The following PBLD variants were observed in gnomAD, a reference collection of about 807,000 sequenced individuals.
PBLD encodes the protein phenazine biosynthesis-like domain-containing protein.
Under a neutral mutation model 31.3 loss-of-function variants are expected in PBLD, and 26 were observed. The observed-to-expected ratio is 0.83, with a 90% CI of 0.61 to 1.15. PBLD has a LOEUF of 1.15. PBLD is among the 50% of genes most tolerant of loss of function. PBLD has a pLI of 0.00. For synonymous variants in PBLD, 114 were observed against 129.0 expected (o/e 0.88, Z 0.79); for missense variants, 307 against 351.7 (o/e 0.87, Z 1.02).
At position 68,312,196 on chromosome 10, in the gene PBLD, C is replaced by G. The variant is rs187730075; in HGVS notation, c.-59-5293G>C. ...TTTCTTCAACGTACTGTGTTTTACA[C>G]CCAGTAGTGGAATTGCTGAATTACA... On this transcript the variant is annotated intron_variant, in intron 1 of 9. Coordinates refer to ENST00000358769, the MANE Select transcript of PBLD (RefSeq NM_022129.4). Among the ~76,000 whole-genome samples the G allele has an allele frequency of 1.5e-3, 234 of 152,308 alleles. 3 individuals are homozygous for G. The highest frequency in any genetic ancestry group is 0.013 in the Admixed American group (200 of 15,294).
intron 1 of PBLD, among the ~76,000 whole-genome samples, chr10:68,328,871 TTTTGTTTG>T (rs151336211): frequency 1.3e-5 from 2 of 151,808 alleles, no homozygotes; most frequent in East Asian, 1.9e-4. Flanking sequence ...TATGTAGCGG[TTTTGTTTG>T]TTTGTTTGTT....
chr10:68,306,716 G>A, intron 2 of PBLD, 45 bp downstream of exon 2: 1 of 1,525,122 alleles, frequency 6.6e-7, no homozygotes, highest in Non-Finnish European at 9.1e-7. Context: ...TGTTTCTACA[G>A]GAATCTAGAA....
intron 1 of PBLD, among the ~76,000 whole-genome samples, chr10:68,320,356 G>C (rs552760066): frequency 5.9e-5 from 9 of 152,110 alleles, no homozygotes; most frequent in Non-Finnish European, 1.3e-4. Flanking sequence ...CCTAACAACA[G>C]AGCCCCAAAA....
At chr10:68,298,334 G>C (rs967450502) in intron 2 of PBLD, among the ~76,000 whole-genome samples, 1 of 152,132 alleles carries the variant, frequency 6.6e-6, no homozygotes, top group Admixed American at 6.6e-5. Context: ...CCAGGCACAT[G>C]CCTATAATCC....
chr10:68,284,463 A>G (rs2044263222), intron 9 of PBLD, among the ~76,000 whole-genome samples, 174 bp from the exon 10 acceptor site: 1 of 152,166 alleles, frequency 6.6e-6, no homozygotes, highest in Non-Finnish European at 1.5e-5. Context: ...CAGACTGAGA[A>G]AGCCACAAAC....
In PBLD at chr10:68,284,111, T is replaced by C; in HGVS notation, c.*66A>G. 2 of 1,440,802 alleles carry C rather than the reference T, an allele frequency of 1.4e-6. No individual in the cohort carries two copies. The highest frequency in any genetic ancestry group is 2.3e-5 in the East Asian group (1 of 43,780). 89.3% of individuals were successfully genotyped at this position (1,440,802 alleles called of 1,614,324 possible). ...ACGCACATTTGCTAAAGGCAGCCCC[T>C]TACATTTCTTTTTAAGCAGAAAATA... On this transcript the variant is annotated 3_prime_UTR_variant, in exon 10 of 10. Transcript: ENST00000358769.
intron 1 of PBLD, among the ~76,000 whole-genome samples, chr10:68,310,365 G>GTGTA (rs1554859457): frequency 2.1e-5 from 3 of 140,302 alleles, no homozygotes; most frequent in Admixed American, 1.5e-4. Flanking sequence ...ATGTTTTGAA[G>GTGTA]TATATATATA....
In PBLD at chr10:68,283,638, G is replaced by A; in HGVS notation, c.*539C>T. On this transcript the variant is annotated 3_prime_UTR_variant, in exon 10 of 10. Coordinates refer to ENST00000358769, the MANE Select transcript of PBLD (RefSeq NM_022129.4). Reference sequence around the variant, plus strand: ...GAAGTGACATTATTCTTTGTAGCTGGTTACTTACATTTCAAATACACTCAT... The same window carrying A: ...GAAGTGACATTATTCTTTGTAGCTGATTACTTACATTTCAAATACACTCAT... 6.6e-6 allele frequency: 1 copy of A among 152,552 alleles called. No individual in the cohort carries two copies. 9.4% of individuals were successfully genotyped at this position (152,552 alleles called of 1,614,324 possible).
intron 4 of PBLD, among the ~76,000 whole-genome samples, chr10:68,293,566 T>C (rs1276973964): frequency 1.3e-5 from 2 of 152,232 alleles, no homozygotes; most frequent in Admixed American, 6.5e-5. Context: ...TTAATTTTTC[T>C]CATTACGATT....
At chr10:68,301,034 T>A (rs1163377253) in intron 2 of PBLD, among the ~76,000 whole-genome samples, 2 of 152,102 alleles carry the variant, frequency 1.3e-5, no homozygotes, top group African/African-American at 4.8e-5. Flanking sequence ...GTAGCTGGGA[T>A]TACAAGTGTG....
intron 1 of PBLD, among the ~76,000 whole-genome samples, chr10:68,323,985 A>G (rs2044874802): frequency 2.0e-5 from 3 of 152,204 alleles, no homozygotes; most frequent in African/African-American, 7.2e-5. Flanking sequence ...CGGACAGTAC[A>G]TGGCATCTCA....
chr10:68,288,498 C>T lies in PBLD; in HGVS notation c.676G>A (p.Glu226Lys), dbSNP rs2044315882. ...RYFAPWVGVA[E>K]DPVTGSAHAV... is the part of the protein sequence containing the mutation. Reference sequence around the variant, plus strand: ...TAAAAAGTACCTGTCACTGGGTCTTCAGCCACACCAACCCACGGTGCAAAA... The same window carrying T: ...TAAAAAGTACCTGTCACTGGGTCTTTAGCCACACCAACCCACGGTGCAAAA... The change falls in exon 8 of 10, where the codon GAA (glutamate) becomes AAA (lysine). Residue 226 changes from glutamate (E) to lysine (K), a missense_variant. Transcript: ENST00000358769. 3.7e-6 allele frequency: 6 copies of T among 1,614,006 alleles called. No homozygotes were observed. Among genetic ancestry groups the T allele is most frequent in the South Asian group, 1.1e-5 (1 of 91,052 alleles).
At position 68,293,996 on chromosome 10, in the gene PBLD, AC is replaced by A. The variant is rs555434638; in HGVS notation, c.284-1759del. Among the ~76,000 whole-genome samples, 32 of 152,184 alleles carry A rather than the reference AC, an allele frequency of 2.1e-4. No homozygotes were observed. The South Asian group carries it at 3.9e-3, about 19-fold the overall frequency. On this transcript the variant is annotated intron_variant, in intron 4 of 9. Coordinates refer to ENST00000358769, the MANE Select transcript of PBLD (RefSeq NM_022129.4). ...ATCTCAAAAAAACAAAAACAAAAAA[AC>A]AAAAGACACTCAATTTAATTTCAGT...
chr10:68,321,318 T>A (rs963303406), intron 1 of PBLD, among the ~76,000 whole-genome samples: 6 of 152,104 alleles, frequency 3.9e-5, no homozygotes, highest in African/African-American at 1.4e-4. Flanking sequence ...CAGAAGATCA[T>A]CAAGGAAACA....
chr10:68,299,649 A>T (rs1177097331), intron 2 of PBLD, among the ~76,000 whole-genome samples: 1 of 151,928 alleles, frequency 6.6e-6, no homozygotes, highest in African/African-American at 2.4e-5. Flanking sequence ...TGAGGTCAGG[A>T]GTTCGAGACC....
intron 1 of PBLD, among the ~76,000 whole-genome samples, chr10:68,308,406 G>A (rs1286215707): frequency 6.6e-6 from 1 of 152,170 alleles, no homozygotes; most frequent in Non-Finnish European, 1.5e-5. Flanking sequence ...CTGGGTCAAA[G>A]AGTACAGATG....
rs562607399 is a variant in PBLD at position 68,296,905 on chromosome 10, C to T, written c.165G>A (p.Pro55=). The part of the protein sequence containing the change: ...SETAFIRKLH[P]TDNFAQSSCF... ...ATTTACTTTGTGCAAAGTTGTCTGT[C>T]GGGTGCAGTTTTCGGATAAAAGCAG... The change falls in exon 3 of 10, where the codon CCG becomes CCA. Residue 55 remains proline, a synonymous_variant. Coordinates refer to ENST00000358769, the MANE Select transcript of PBLD (RefSeq NM_022129.4). 10 of 1,613,354 alleles carry T rather than the reference C, an allele frequency of 6.2e-6. No individual in the cohort carries two copies. Among genetic ancestry groups the T allele is most frequent in the East Asian group, 2.2e-5 (1 of 44,862 alleles).
At chr10:68,305,295 T>TA (rs2044561464) in intron 2 of PBLD, among the ~76,000 whole-genome samples, 3 of 151,190 alleles carry the variant, frequency 2.0e-5, no homozygotes, top group Admixed American at 6.6e-5. Flanking sequence ...TCTTTTTTCT[T>TA]AGAGACACGG....
In PBLD at chr10:68,286,873, G is replaced by GTGGTGGCTCCAGGCCCATAA. The variant is rs71009035; in HGVS notation, c.692-1464_692-1463insTTATGGGCCTGGAGCCACCA. Among the ~76,000 whole-genome samples, 4 of 151,646 alleles carry GTGGTGGCTCCAGGCCCATAA rather than the reference G, an allele frequency of 2.6e-5. No homozygotes were observed. The South Asian group carries it at 8.3e-4, about 32-fold the overall frequency. On this transcript the variant is annotated intron_variant, in intron 8 of 9. Coordinates refer to ENST00000358769, the MANE Select transcript of PBLD (RefSeq NM_022129.4). ...ACCTATGAAGTGTTATGGGGTGGGC[G>GTGGTGGCTCCAGGCCCATAA]TCCCAGCACTTTGGGAGGCCGAGGC...
Sources: allele counts gnomAD v4.1 joint callset (sites outside exome capture counted in the v4.1 genomes callset), GRCh38; gene constraint gnomAD v4.1.1; transcripts MANE v1.5; gene names NCBI Gene and HGNC (gene_info 2026-07-23, HGNC 2026-07-21).